Variants in ABL1 observed in about 807,000 individuals in gnomAD.
The protein encoded by ABL1 is tyrosine-protein kinase ABL1.
ABL1 carries 11 observed loss-of-function variants against 94.7 expected under a neutral mutation model. That is an observed-to-expected ratio of 0.12 (90% CI 0.07 to 0.19). The LOEUF is 0.19. Among genes scored for constraint, ABL1 ranks in the 10% least tolerant of loss-of-function variants. ABL1 has a pLI of 1.00. For synonymous variants in ABL1, 656 were observed against 622.4 expected, an observed-to-expected ratio of 1.05 and a Z score of -0.80; for missense variants, 1,082 against 1,489.4, an observed-to-expected ratio of 0.73 and a Z score of 4.50.
At chr9:130,818,559 T>C (rs548555794) in intron 1 of ABL1, among the ~76,000 whole-genome samples, 1 of 152,362 alleles carries the variant, frequency 6.6e-6, no homozygotes, top group East Asian at 1.9e-4. Context: ...TTCACCTAAC[T>C]CAAGTTTACA....
In ABL1 at chr9:130,776,953, G is replaced by T. The variant is rs533281354; in HGVS notation, c.136+62498G>T. ...ATCTTTGTCTTTTTTTCTGGATTTT[G>T]GGAGATTTCTTTCCTTGAGTATTTT... On this transcript the variant is annotated intron_variant, in intron 1 of 10. Transcript: ENST00000372348. Among the ~76,000 whole-genome samples, 5 of 151,964 alleles carry T rather than the reference G, an allele frequency of 3.3e-5. No homozygotes were observed. The South Asian group carries it at 1.0e-3, about 32-fold the overall frequency.
At chr9:130,742,839 A>G (rs1368921120) in intron 1 of ABL1, among the ~76,000 whole-genome samples, 1 of 152,024 alleles carries the variant, frequency 6.6e-6, no homozygotes, top group Non-Finnish European at 1.5e-5. Flanking sequence ...TTTATATTAT[A>G]TAATATATAC....
rs1831104033 is a variant in ABL1, at chr9:130,863,182, A to G, written c.822+147A>G. On this transcript the variant is annotated intron_variant, in intron 4 of 10. Transcript: ENST00000318560. The surrounding 1 kb of genome is among the most constrained non-coding windows in gnomAD (Gnocchi z 4.3). ...GGAATTGACTTTTCCGTCTTATATC[A>G]TTCCTGTGTCTTTGTAGGAGTGGAA... is the stretch of plus-strand genomic sequence containing the variant. 4.3e-6 allele frequency: 4 copies of G among 931,476 alleles called. No individual in the cohort carries two copies. In the East Asian group the frequency reaches 1.1e-4, roughly 25 times the overall value. The allele number at this position is 931,476 out of a possible 1,614,324, so 57.7% of individuals were successfully genotyped here.
At chr9:130,788,706 T>C (rs1401156712) in intron 1 of ABL1, among the ~76,000 whole-genome samples, 2 of 152,224 alleles carry the variant, frequency 1.3e-5, no homozygotes, top group Non-Finnish European at 2.9e-5. Flanking sequence ...TTCAAGGACA[T>C]GGAGCAGTTA....
rs146620920 is a variant in ABL1 at position 130,741,971 on chromosome 9, G to A, written c.136+27516G>A. Among the ~76,000 whole-genome samples, 9 of 152,290 alleles carry A rather than the reference G, an allele frequency of 5.9e-5. No individual in the cohort carries two copies. The East Asian group carries it at 1.5e-3, about 26-fold the overall frequency. On this transcript the variant is annotated intron_variant, in intron 1 of 10. Transcript: ENST00000372348. ...AGATCAGTGCCATGGTGGCTGTGGT[G>A]TCCCTGGCCCAGACCTTCTCAGACA...
intron 1 of ABL1, among the ~76,000 whole-genome samples, chr9:130,786,931 C>T (rs200973441): frequency 9.6e-6 from 1 of 104,358 alleles, no homozygotes; most frequent in Non-Finnish European, 2.0e-5. Flanking sequence ...TAAATCACGA[C>T]TTTTATTTCT....
intron 1 of ABL1, among the ~76,000 whole-genome samples, chr9:130,825,014 T>G (rs1830407107): frequency 6.6e-6 from 1 of 152,194 alleles, no homozygotes; most frequent in South Asian, 2.1e-4. Context: ...CTGAATGGTT[T>G]GAAGAAATAA....
intron 1 of ABL1, among the ~76,000 whole-genome samples, chr9:130,763,517 A>T (rs1832143493): frequency 6.6e-6 from 1 of 152,160 alleles, no homozygotes; most frequent in Non-Finnish European, 1.5e-5. Flanking sequence ...GTCTCTCATG[A>T]GATTGTAGAC....
rs1831532104 is a variant in ABL1, at chr9:130,884,589, G to T, written c.2299G>T (p.Ala767Ser). ...GAAGCCGGCTCTGCCTCGGAAGAGG[G>T]CAGGGGAGAACAGGTCTGACCAGGT... The part of the protein sequence containing the change: ...SEKPALPRKR[A>S]GENRSDQVTR... The change falls in exon 11 of 11, where the codon GCA becomes TCA. Residue 767 changes from alanine (A) to serine (S), a missense_variant. Physicochemically the swap from Ala to Ser is moderately conservative, Grantham distance 99 (BLOSUM62 1). Transcript: ENST00000318560. This position sits in a 1 kb window ranked among gnomAD's most constrained non-coding sequence, Gnocchi z 5.6. 6.2e-7 allele frequency: 1 copy of T among 1,613,380 alleles called. No homozygotes were observed. Among genetic ancestry groups the T allele is most frequent in the Non-Finnish European group, 8.5e-7 (1 of 1,180,036 alleles).
chr9:130,826,817 G>A lies in ABL1; in HGVS notation c.137-27247G>A, dbSNP rs1020589819. Among the ~76,000 whole-genome samples the A allele has an allele frequency of 6.6e-5, 10 of 152,142 alleles. No homozygotes were observed. The South Asian group carries it at 8.3e-4, about 13-fold the overall frequency. On this transcript the variant is annotated intron_variant, in intron 1 of 10. Transcript: ENST00000372348. ...TGCCCGGCCGGGCGCGGTGGCTCAC[G>A]CCTGTAATCCCAGCACTTTGGGAGG...
intron 2 of ABL1, among the ~76,000 whole-genome samples, 182 bp from the exon 3 acceptor site, chr9:130,854,619 G>A (rs996222695): frequency 3.3e-5 from 5 of 152,156 alleles, no homozygotes; most frequent in African/African-American, 1.2e-4. Flanking sequence ...GTACAAACAG[G>A]AAGCTTCAAA....
chr9:130,724,765 A>G (rs1018926941), intron 1 of ABL1: 9 of 468,182 alleles, frequency 1.9e-5, no homozygotes, highest in Admixed American at 1.2e-4. Flanking sequence ...AAAAAAAAAA[A>G]AAAAAGCAAA....
chr9:130,727,724 C>A (rs1831604800), intron 1 of ABL1, among the ~76,000 whole-genome samples: 1 of 149,438 alleles, frequency 6.7e-6, no homozygotes, highest in Non-Finnish European at 1.5e-5. Context: ...CCATTGCACT[C>A]CAGCCTGGGT....
intron 1 of ABL1, among the ~76,000 whole-genome samples, chr9:130,819,611 T>C (rs1050516323): frequency 6.5e-5 from 9 of 137,814 alleles, no homozygotes; most frequent in Admixed American, 3.9e-4. Flanking sequence ...CGATCTGAGC[T>C]CACTGCAACC....
At chr9:130,878,320 C>A in intron 7 of ABL1, 95 bp from the exon 8 acceptor site, 1 of 1,454,400 alleles carries the variant, frequency 6.9e-7, no homozygotes, top group South Asian at 1.3e-5. Context: ...GGGGCCATCC[C>A]TTCTGAGGTC....
chr9:130,820,937 A>AT (rs982315322), intron 1 of ABL1, among the ~76,000 whole-genome samples: 15 of 149,272 alleles, frequency 1.0e-4, no homozygotes, highest in Admixed American at 3.3e-4. Context: ...TTTATTTTTT[A>AT]TTTTTTTTTC....
intron 1 of ABL1, among the ~76,000 whole-genome samples, chr9:130,817,697 C>T (rs1588251324): frequency 6.6e-6 from 1 of 152,192 alleles, no homozygotes. Context: ...AATTTATGTT[C>T]AAGTGCTTTT....
intron 4 of ABL1, among the ~76,000 whole-genome samples, chr9:130,868,739 C>G (rs1189827758): frequency 6.6e-6 from 1 of 151,804 alleles, no homozygotes; most frequent in Non-Finnish European, 1.5e-5. Context: ...AGGCTGGTCT[C>G]GAACTCCTGG....
rs1349499229 is a variant in ABL1, at chr9:130,744,749, G to C, written c.136+30294G>C. 4.6e-5 allele frequency among the ~76,000 whole-genome samples: 7 copies of C among 150,836 alleles called. No homozygotes were observed. In the East Asian group the frequency reaches 1.0e-3, roughly 22 times the overall value. On this transcript the variant is annotated intron_variant, in intron 1 of 10. Transcript: ENST00000372348. ...GTGGGCGCCTGTAGTTCCAGCTACT[G>C]GGGAGGCTGAGGCAGGAGAATGGCG... is the stretch of plus-strand genomic sequence containing the variant.
Sources: gnomAD v4.1 joint callset for allele counts (sites outside exome capture counted in the v4.1 genomes callset) on GRCh38, gnomAD v4.1.1 for gene constraint, Gnocchi (gnomAD v3.1) non-coding constraint, MANE v1.5 for transcripts, NCBI Gene and HGNC (gene_info 2026-07-23, HGNC 2026-07-21) for gene names.